MAPKAPK3: variants seen among roughly 807,000 people sequenced by gnomAD.
The protein encoded by MAPKAPK3 is MAPK activated protein kinase 3.
A neutral mutation model predicts 49.2 loss-of-function variants in MAPKAPK3; 35 were observed. The observed-to-expected ratio is 0.71, with a 90% CI of 0.54 to 0.94. The LOEUF is 0.94. Ranked by LOEUF, MAPKAPK3 falls within the 40% of genes least tolerant of loss-of-function variation. The pLI is 0.00. For synonymous variants in MAPKAPK3, 178 were observed against 188.7 expected (o/e 0.94, Z 0.46); for missense variants, 398 against 493.1 (o/e 0.81, Z 1.83).
chr3:50,625,895 C>G (rs544434486), intron 2 of MAPKAPK3, among the ~76,000 whole-genome samples: 1 of 152,078 alleles, frequency 6.6e-6, no homozygotes, highest in African/African-American at 2.4e-5. Flanking sequence ...GGGCAGCTCA[C>G]TCCCCCACCC....
At chr3:50,640,221 A>G in intron 2 of MAPKAPK3, 145 bp from the exon 3 acceptor site, 1 of 809,730 alleles carries the variant, frequency 1.2e-6, no homozygotes, top group Non-Finnish European at 1.9e-6. Flanking sequence ...CAAGTCAGAG[A>G]AACCTAGATT....
chr3:50,646,677 G>A (rs2033306467), intron 8 of MAPKAPK3, 63 bp from the exon 9 acceptor site: 2 of 1,455,162 alleles, frequency 1.4e-6, no homozygotes, highest in Non-Finnish European at 1.9e-6. Context: ...GTGGTCTGTG[G>A]GGAAGGGTGG....
rs1387761366 is a variant in MAPKAPK3, at chr3:50,646,274, CCT to C, written c.829+15_829+16del. 2 of 1,613,930 alleles carry C rather than the reference CCT, an allele frequency of 1.2e-6. No individual in the cohort carries two copies. Among genetic ancestry groups the C allele is most frequent in the Admixed American group, 3.3e-5 (2 of 60,000 alleles). On this transcript the variant is annotated intron_variant, in intron 8 of 10. Transcript: ENST00000621469. ...GAAGTCTCTGAGGATGGTGAGTGAA[CCT>C]CTCTGTCCCAGCCTGACTCACCTGG...
At chr3:50,645,032 G>A (rs2033255139) in intron 6 of MAPKAPK3, among the ~76,000 whole-genome samples, 1 of 152,088 alleles carries the variant, frequency 6.6e-6, no homozygotes, top group Non-Finnish European at 1.5e-5. Context: ...CTGCAAGTGG[G>A]CAACCCCCGG....
At chr3:50,618,927 G>C (rs1575994473) in intron 2 of MAPKAPK3, among the ~76,000 whole-genome samples, 1 of 152,244 alleles carries the variant, frequency 6.6e-6, no homozygotes, top group African/African-American at 2.4e-5. Flanking sequence ...TTGACCTCGT[G>C]ATCTGCCTGC....
chr3:50,642,139 G>C, intron 4 of MAPKAPK3, 114 bp from the exon 5 acceptor site: 3 of 738,542 alleles, frequency 4.1e-6, no homozygotes, highest in Non-Finnish European at 7.3e-6. Context: ...CAGGAGTGCT[G>C]TCACTGTCTT....
chr3:50,612,956 C>T (rs2032374208), upstream of MAPKAPK3: 1 of 152,186 alleles, frequency 6.6e-6, no homozygotes, highest in Non-Finnish European at 1.5e-5. Flanking sequence ...AGAGCTTGGT[C>T]CCAGCTCTGA....
chr3:50,612,175 G>A (rs1404649189), upstream of MAPKAPK3: 1 of 154,026 alleles, frequency 6.5e-6, no homozygotes, highest in African/African-American at 2.4e-5. Flanking sequence ...AAGTTAAGGA[G>A]GGGCCCGGGC....
chr3:50,646,716 C>G, intron 8 of MAPKAPK3, 24 bp from the exon 9 acceptor site: 8 of 1,582,682 alleles, frequency 5.1e-6, no homozygotes, highest in Non-Finnish European at 6.9e-6. Flanking sequence ...CTCATCTCTC[C>G]CCTCTCTTCC....
chr3:50,611,559 G>C (rs2032326571), upstream of MAPKAPK3: 1 of 1,524,124 alleles, frequency 6.6e-7, no homozygotes, highest in African/African-American at 1.4e-5. Flanking sequence ...ATGCCCGGCA[G>C]CTAGCACGAA....
chr3:50,625,918 A>AGGGTGG (rs940801218), intron 2 of MAPKAPK3, among the ~76,000 whole-genome samples: 6 of 151,870 alleles, frequency 4.0e-5, no homozygotes, highest in Non-Finnish European at 5.9e-5. Context: ...ACCCCAGGGG[A>AGGGTGG]GGGTGGGGGT....
At chr3:50,646,656 C>T in intron 8 of MAPKAPK3, 84 bp from the exon 9 acceptor site, 1 of 1,251,524 alleles carries the variant, frequency 8.0e-7, no homozygotes, top group South Asian at 1.2e-5. Context: ...GCCCCTGCCC[C>T]AGCAGAGCTT....
Position 50,642,298 on chromosome 3 carries a change from T to C in MAPKAPK3, c.470T>C (p.Leu157Pro). 6.2e-7 allele frequency: 1 copy of C among 1,613,190 alleles called. No individual in the cohort carries two copies. The highest frequency in any genetic ancestry group is 8.5e-7 in the Non-Finnish European group (1 of 1,179,908). Residue 157 changes from leucine (L) to proline (P), a missense_variant, in exon 5 of 11, where the codon CTG becomes CCG. Transcript: ENST00000621469. ...MRDIGTAIQF[L>P]HSHNIAHRDV... ...GATATTGGCACTGCCATCCAGTTTCTGCACAGCCATAACATTGCCCACCGA... is the reference window on the plus strand; with the variant it reads ...GATATTGGCACTGCCATCCAGTTTCCGCACAGCCATAACATTGCCCACCGA...
intron 3 of MAPKAPK3, among the ~76,000 whole-genome samples, chr3:50,640,925 A>G (rs1051127868): frequency 2.6e-5 from 4 of 152,198 alleles, no homozygotes; most frequent in African/African-American, 9.7e-5. Flanking sequence ...CTTGGGGCCT[A>G]GAACCAGGAG....
At chr3:50,639,883 C>A (rs1022828305) in intron 2 of MAPKAPK3, among the ~76,000 whole-genome samples, 1 of 152,172 alleles carries the variant, frequency 6.6e-6, no homozygotes, top group Non-Finnish European at 1.5e-5. Flanking sequence ...AGGGAGGCAC[C>A]AAGGGCCTAC....
intron 7 of MAPKAPK3, 34 bp from the exon 8 acceptor site, chr3:50,646,106 C>T (rs1471576066): frequency 6.8e-6 from 11 of 1,606,492 alleles, no homozygotes; most frequent in Non-Finnish European, 9.4e-6. Flanking sequence ...GCACTGCTCC[C>T]ACCCTATGCC....
chr3:50,641,841 T>C, intron 4 of MAPKAPK3, 70 bp downstream of exon 4: 1 of 1,324,766 alleles, frequency 7.5e-7, no homozygotes, highest in East Asian at 2.3e-5. Context: ...TTGTGTGTGA[T>C]GCTAGGCAAG....
At chr3:50,635,920 C>CA (rs748358137) in intron 2 of MAPKAPK3, among the ~76,000 whole-genome samples, 2,701 of 73,168 alleles carry the variant, frequency 0.037, 196 homozygotes, top group African/African-American at 0.18. Context: ...CCGTCTCTAC[C>CA]AAAAAAAAAA....
chr3:50,619,374 G>T (rs372190593), intron 2 of MAPKAPK3, among the ~76,000 whole-genome samples: 2 of 152,278 alleles, frequency 1.3e-5, no homozygotes, highest in South Asian at 4.1e-4. Flanking sequence ...TCAGGGTTGG[G>T]CTGGTGGGGC....
Sources: gnomAD v4.1 joint callset for allele counts (sites outside exome capture counted in the v4.1 genomes callset) on GRCh38, gnomAD v4.1.1 for gene constraint, MANE v1.5 for transcripts, NCBI Gene and HGNC (gene_info 2026-07-23, HGNC 2026-07-21) for gene names.